The following RBFOX1 variants were observed in gnomAD, a reference collection of about 807,000 sequenced individuals.
RBFOX1 encodes the protein RNA binding protein fox-1 homolog 1.
A neutral mutation model predicts 57.7 loss-of-function variants in RBFOX1; 8 were observed. That is an observed-to-expected ratio of 0.14 (90% CI 0.08 to 0.25). The LOEUF (loss-of-function observed/expected upper bound fraction) is 0.25, where lower values mean the gene tolerates loss of function less well. Ranked by LOEUF, RBFOX1 falls within the 10% of genes least tolerant of loss-of-function variation. The pLI is 1.00. For synonymous variants in RBFOX1, 326 were observed against 222.4 expected (o/e 1.47, Z -4.15); for missense variants, 611 against 548.5 (o/e 1.11, Z -1.14).
At chr16:6,959,977 C>T (rs1055737300) in intron 3 of RBFOX1, among the ~76,000 whole-genome samples, 5 of 152,028 alleles carry the variant, frequency 3.3e-5, no homozygotes, top group African/African-American at 1.2e-4. Context: ...AGCCAGTGCC[C>T]TTAAACAAAG....
rs183510777 is a variant in RBFOX1 at position 5,254,512 on chromosome 16, T to C, written c.219+14407T>C. 1.1e-4 allele frequency among the ~76,000 whole-genome samples: 16 copies of C among 152,340 alleles called. No individual in the cohort carries two copies. The East Asian group carries it at 2.9e-3, about 28-fold the overall frequency. ...TAAAAAGGAGTCTGTATCATATTTA[T>C]CTTGTGGTCTGCCATGCCCCCCGAT... On this transcript the variant is annotated intron_variant, in intron 1 of 2. Transcript: ENST00000585867.
chr16:5,358,969 C>G lies in RBFOX1; in HGVS notation c.220-108247C>G, dbSNP rs1391079179. 2.6e-5 allele frequency among the ~76,000 whole-genome samples: 4 copies of G among 152,226 alleles called. No individual in the cohort carries two copies. The East Asian group carries it at 7.7e-4, about 29-fold the overall frequency. ...ACCTCTCCCTCCACCCTCCATTACC[C>G]TTCCTAGCCTCTGGTGGCCATCCTT... is the stretch of plus-strand genomic sequence containing the variant. On this transcript the variant is annotated intron_variant, in intron 1 of 2. Coordinates refer to the RBFOX1 transcript ENST00000585867.
intron 1 of RBFOX1, among the ~76,000 whole-genome samples, chr16:5,319,884 T>C (rs1452998960): frequency 1.3e-5 from 2 of 152,156 alleles, no homozygotes; most frequent in African/African-American, 2.4e-5. Context: ...ACTCTCTGTA[T>C]CCACCCAGCA....
rs183042161 is a variant in RBFOX1 at position 6,154,870 on chromosome 16, A to C, written c.-127+134878A>C. On this transcript the variant is annotated intron_variant, in intron 1 of 15. Transcript: ENST00000550418. ...AATACAAAACAATGTAAAAAAATGAAAGGGTAATAAAAAGCAATTGTGTGT... is the reference window on the plus strand; with the variant it reads ...AATACAAAACAATGTAAAAAAATGACAGGGTAATAAAAAGCAATTGTGTGT... Among the ~76,000 whole-genome samples the C allele has an allele frequency of 6.0e-4, 92 of 152,368 alleles. 1 individual carries two copies. Among genetic ancestry groups the C allele is most frequent in the African/African-American group, 2.1e-3 (86 of 41,594 alleles).
At chr16:6,064,854 G>T (rs897977050) in intron 1 of RBFOX1, among the ~76,000 whole-genome samples, 1 of 151,750 alleles carries the variant, frequency 6.6e-6, no homozygotes, top group Non-Finnish European at 1.5e-5. Flanking sequence ...ACCTGACATT[G>T]TATTTGAATT....
intron 3 of RBFOX1, among the ~76,000 whole-genome samples, chr16:7,019,867 A>G (rs1368553194): frequency 6.6e-6 from 1 of 152,188 alleles, no homozygotes; most frequent in Non-Finnish European, 1.5e-5. Flanking sequence ...TGGTCCAGCA[A>G]TACTGACATT....
intron 3 of RBFOX1, among the ~76,000 whole-genome samples, chr16:6,964,224 G>C (rs1428934970): frequency 6.6e-6 from 1 of 151,568 alleles, no homozygotes; most frequent in East Asian, 2.0e-4. Flanking sequence ...TCACCTTGTT[G>C]GCCAGGCTGG....
intron 14 of RBFOX1, among the ~76,000 whole-genome samples, chr16:7,704,129 C>T (rs188722041): frequency 6.6e-6 from 1 of 152,232 alleles, no homozygotes; most frequent in East Asian, 1.9e-4. Flanking sequence ...GTCATGAGAG[C>T]AAGGACATCA....
intron 2 of RBFOX1, among the ~76,000 whole-genome samples, chr16:5,485,416 A>C (rs574292867): frequency 1.4e-5 from 2 of 145,752 alleles, no homozygotes; most frequent in Non-Finnish European, 3.0e-5. Context: ...CTCCAAGTGC[A>C]TGCATACCAA....
intron 4 of RBFOX1, among the ~76,000 whole-genome samples, chr16:5,984,926 A>G (rs1456059565): frequency 1.4e-5 from 2 of 144,062 alleles, no homozygotes; most frequent in African/African-American, 5.2e-5. Context: ...AAAATGGTAC[A>G]CCTGTATAGG....
In RBFOX1 at chr16:7,710,668, G is replaced by A. The variant is rs767385708; in HGVS notation, c.1117G>A (p.Asp373Asn). 1.2e-6 allele frequency: 2 copies of A among 1,613,656 alleles called. No individual in the cohort carries two copies. The highest frequency in any genetic ancestry group is 1.7e-6 in the Non-Finnish European group (2 of 1,179,772). ...LTDAKTRSHA[D>N]DVGLVLSSLQ... Reference sequence around the variant, plus strand: ...TGATGCCAAGACTAGGAGCCATGCTGATGATGTGGGTCTCGTTCTTTCTTC... The same window carrying A: ...TGATGCCAAGACTAGGAGCCATGCTAATGATGTGGGTCTCGTTCTTTCTTC... Residue 373 changes from aspartate to asparagine, a missense_variant, in exon 16 of 16, where the codon GAT becomes AAT. Transcript: ENST00000550418.
chr16:6,834,681 A>G (rs140403639), intron 3 of RBFOX1, among the ~76,000 whole-genome samples: 2,032 of 152,246 alleles, frequency 0.013, 55 homozygotes, highest in African/African-American at 0.046. Flanking sequence ...TAAAATTTAG[A>G]ATAATATTGT....
Position 6,165,700 on chromosome 16 carries a change from T to G in RBFOX1, c.-127+145708T>G, listed in dbSNP as rs547599073. Among the ~76,000 whole-genome samples, 4 of 152,352 alleles carry G rather than the reference T, an allele frequency of 2.6e-5. No homozygotes were observed. In the South Asian group the frequency reaches 8.3e-4, roughly 32 times the overall value. Reference sequence around the variant, plus strand: ...TGAACGTCTAAACGCACAACATGCATGGGCAAATGAAATGTTTTATGGCTA... The same window carrying G: ...TGAACGTCTAAACGCACAACATGCAGGGGCAAATGAAATGTTTTATGGCTA... On this transcript the variant is annotated intron_variant, in intron 1 of 15. Transcript: ENST00000550418.
chr16:5,608,426 G>C (rs1353599438), intron 3 of RBFOX1, among the ~76,000 whole-genome samples: 1 of 152,196 alleles, frequency 6.6e-6, no homozygotes, highest in East Asian at 1.9e-4. Context: ...AAGTGGTTCT[G>C]TGCATGGCTG....
chr16:6,397,362 C>G (rs907100732), intron 2 of RBFOX1, among the ~76,000 whole-genome samples: 1 of 152,016 alleles, frequency 6.6e-6, no homozygotes, highest in Non-Finnish European at 1.5e-5. Context: ...TCATCAGAAA[C>G]AGTGGAAGCA....
Position 6,476,602 on chromosome 16 carries a change from A to T in RBFOX1, c.-64+159545A>T, listed in dbSNP as rs536100233. 4.6e-5 allele frequency among the ~76,000 whole-genome samples: 7 copies of T among 152,274 alleles called. No homozygotes were observed. In the East Asian group the frequency reaches 1.4e-3, roughly 29 times the overall value. ...ATCATCTGAGCCTTTAATGAGTTCT[A>T]ATCTTTTTGCTGGTGGAGGGTCTTG... is the stretch of plus-strand genomic sequence containing the variant. On this transcript the variant is annotated intron_variant, in intron 2 of 15. Transcript: ENST00000550418.
intron 3 of RBFOX1, among the ~76,000 whole-genome samples, chr16:6,996,231 G>A (rs2092225531): frequency 6.6e-6 from 1 of 152,198 alleles, no homozygotes; most frequent in Non-Finnish European, 1.5e-5. Context: ...GGAAGGCTTA[G>A]TTTAGCCTTT....
At chr16:6,722,119 A>C (rs1032963969) in intron 3 of RBFOX1, among the ~76,000 whole-genome samples, 1 of 152,218 alleles carries the variant, frequency 6.6e-6, no homozygotes, top group Non-Finnish European at 1.5e-5. Context: ...GCGGTTGCAC[A>C]GATATCTCTC....
intron 1 of RBFOX1, among the ~76,000 whole-genome samples, chr16:6,313,358 A>T (rs1190073453): frequency 2.6e-5 from 4 of 152,194 alleles, no homozygotes; most frequent in Non-Finnish European, 5.9e-5. Context: ...ACACTCCTTG[A>T]CCTGCATGGG....
Sources: gnomAD v4.1 joint callset for allele counts (sites outside exome capture counted in the v4.1 genomes callset) on GRCh38, gnomAD v4.1.1 for gene constraint, MANE v1.5 for transcripts, NCBI Gene and HGNC (gene_info 2026-07-23, HGNC 2026-07-21) for gene names.